The following PXDC1 variants were observed in gnomAD, a reference collection of about 807,000 sequenced individuals.
PXDC1 encodes PX domain containing 1.
In PXDC1, 13 loss-of-function variants were observed where a neutral mutation model predicts 24.4. The observed-to-expected ratio is 0.53, with a 90% CI of 0.35 to 0.85. The LOEUF is 0.85. Among genes scored for constraint, PXDC1 ranks in the 40% least tolerant of loss-of-function variants. The pLI is 0.01. For missense variants in PXDC1, 344 were observed against 309.3 expected, an observed-to-expected ratio of 1.11 and a Z score of -0.84; for synonymous variants, 162 against 124.9, an observed-to-expected ratio of 1.30 and a Z score of -1.98.
intron 1 of PXDC1, among the ~76,000 whole-genome samples, chr6:3,742,651 C>T (rs1023029704): frequency 5.3e-5 from 8 of 152,300 alleles, no homozygotes; most frequent in African/African-American, 1.7e-4. Flanking sequence ...TTCACAGCCC[C>T]GGAAACTGTT....
rs1760358694 is a variant in PXDC1 at position 3,737,935 on chromosome 6, C to T, written c.348+122G>A. On this transcript the variant is annotated intron_variant, in intron 2 of 4. Coordinates refer to ENST00000380283, the MANE Select transcript of PXDC1 (RefSeq NM_183373.4). The surrounding 1 kb of genome is among the most constrained non-coding windows in gnomAD (Gnocchi z 5.5). The stretch of plus-strand genomic sequence containing the variant: ...TCGCCTGGTACTACCAGGGAGGGAA[C>T]AAAACGGCTAAGTGAGACAGAGCAA... 2 of 849,830 alleles carry T rather than the reference C, an allele frequency of 2.4e-6. No individual in the cohort carries two copies. The highest frequency in any genetic ancestry group is 1.7e-5 in the African/African-American group (1 of 59,202). 52.6% of individuals were successfully genotyped at this position (849,830 alleles called of 1,614,324 possible). A position where few individuals can be genotyped will look rare whatever the true frequency, so the allele number is the denominator to read the frequency against.
chr6:3,743,616 G>A (rs1467674103), intron 1 of PXDC1, among the ~76,000 whole-genome samples: 2 of 152,192 alleles, frequency 1.3e-5, no homozygotes, highest in African/African-American at 4.8e-5. Context: ...AAGCAGCAGC[G>A]AGTTAAGAAC....
chr6:3,734,784 G>C (rs1561734239), intron 3 of PXDC1, among the ~76,000 whole-genome samples: 1 of 151,448 alleles, frequency 6.6e-6, no homozygotes, highest in Non-Finnish European at 1.5e-5. Flanking sequence ...CACAGGAATA[G>C]AAAAAAAAAT....
Position 3,737,644 on chromosome 6 carries a change from G to C in PXDC1, c.348+413C>G. ...GGAAAGGGAGTTGACGGTCAAATCC[G>C]GGCAACGTGCCCCGCTGTGCTGACG... is the stretch of plus-strand genomic sequence containing the variant. On this transcript the variant is annotated intron_variant, in intron 2 of 4. Transcript: ENST00000380283. The surrounding 1 kb of genome is among the most constrained non-coding windows in gnomAD (Gnocchi z 5.5). 1 of 985,236 alleles carries C rather than the reference G, an allele frequency of 1.0e-6. No homozygotes were observed. Among genetic ancestry groups the C allele is most frequent in the African/African-American group, 1.7e-5 (1 of 57,334 alleles). The allele number at this position is 985,236 out of a possible 1,614,324, so 61.0% of individuals were successfully genotyped here.
At position 3,737,201 on chromosome 6, in the gene PXDC1, G is replaced by A. The variant is rs1300004739; in HGVS notation, c.349-5C>T. 7.0e-6 allele frequency: 11 copies of A among 1,582,010 alleles called. No individual in the cohort carries two copies. The highest frequency in any genetic ancestry group is 9.6e-6 in the Non-Finnish European group (11 of 1,150,766). On this transcript the variant is annotated splice_polypyrimidine_tract_variant and splice_region_variant and intron_variant, in intron 2 of 4. Coordinates refer to ENST00000380283, the MANE Select transcript of PXDC1 (RefSeq NM_183373.4). This position sits in a 1 kb window ranked among gnomAD's most constrained non-coding sequence, Gnocchi z 5.5. ...CACAACTTCCGATCTAGAATACTGGGGAGAAATGCAGGGATTACTAAAAAC... is the reference window on the plus strand; with the variant it reads ...CACAACTTCCGATCTAGAATACTGGAGAGAAATGCAGGGATTACTAAAAAC...
chr6:3,749,982 C>T (rs1159036928), intron 1 of PXDC1, among the ~76,000 whole-genome samples: 1 of 152,262 alleles, frequency 6.6e-6, no homozygotes, highest in Non-Finnish European at 1.5e-5. Flanking sequence ...AGGAAAACTG[C>T]TTCCATGCTT....
In PXDC1 at chr6:3,727,400, G is replaced by T; in HGVS notation, c.578+151C>A. 13 of 583,244 alleles carry T rather than the reference G, an allele frequency of 2.2e-5. No homozygotes were observed. In the Admixed American group the frequency reaches 3.1e-4, roughly 14 times the overall value. 36.1% of individuals were successfully genotyped at this position (583,244 alleles called of 1,614,324 possible). On this transcript the variant is annotated intron_variant, in intron 4 of 4. Coordinates refer to ENST00000380283, the MANE Select transcript of PXDC1 (RefSeq NM_183373.4). ...AAGATCTCACCAGACTCTAGGAAAG[G>T]CAAACTTCTAAAATCAGTGTCCAAA... is the stretch of plus-strand genomic sequence containing the variant.
intron 3 of PXDC1, among the ~76,000 whole-genome samples, chr6:3,727,961 AAAG>A (rs1760107702): frequency 1.3e-5 from 2 of 152,112 alleles, no homozygotes; most frequent in Admixed American, 6.5e-5. Flanking sequence ...GCTGGAGTAC[AAAG>A]AAGGAGTACT....
rs542154958 is a variant in PXDC1, at chr6:3,730,683, G to A, written c.467-3021C>T. 8.5e-5 allele frequency among the ~76,000 whole-genome samples: 13 copies of A among 152,340 alleles called. No individual in the cohort carries two copies. In the East Asian group the frequency reaches 1.2e-3, roughly 14 times the overall value. ...CCTCCCAGGTCAGTTTTCACAAGACGATGGTATAGACCATGAACTTGTACC... is the reference window on the plus strand; with the variant it reads ...CCTCCCAGGTCAGTTTTCACAAGACAATGGTATAGACCATGAACTTGTACC... On this transcript the variant is annotated intron_variant, in intron 3 of 4. Coordinates refer to ENST00000380283, the MANE Select transcript of PXDC1 (RefSeq NM_183373.4).
At chr6:3,741,054 T>C (rs1760438915) in intron 1 of PXDC1, among the ~76,000 whole-genome samples, 1 of 152,232 alleles carries the variant, frequency 6.6e-6, no homozygotes, top group South Asian at 2.1e-4. Context: ...TTAGTCACTC[T>C]CCTGTGTGTG....
chr6:3,733,907 TC>T (rs1297816795), intron 3 of PXDC1, among the ~76,000 whole-genome samples: 3 of 151,990 alleles, frequency 2.0e-5, no homozygotes, highest in African/African-American at 7.3e-5. Context: ...CCACATTTCC[TC>T]CCATTCTTCT....
Position 3,727,673 on chromosome 6 carries a change from A to C in PXDC1, c.467-11T>G. On this transcript the variant is annotated splice_polypyrimidine_tract_variant and intron_variant, in intron 3 of 4. Coordinates refer to ENST00000380283, the MANE Select transcript of PXDC1 (RefSeq NM_183373.4). ...TGGACCTCATGATTTCTGAAAACCA[A>C]AGCAACAAGGTGAGTCCTCAGGAGG... The C allele has an allele frequency of 2.5e-6, 4 of 1,590,060 alleles. No individual in the cohort carries two copies. The highest frequency in any genetic ancestry group is 3.5e-6 in the Non-Finnish European group (4 of 1,158,098).
intron 1 of PXDC1, 87 bp from the exon 2 acceptor site, chr6:3,738,235 C>A: frequency 1.0e-6 from 1 of 966,652 alleles, no homozygotes; most frequent in Non-Finnish European, 1.7e-6. Context: ...GCCCACAAAC[C>A]GCCAGGGTCG....
At chr6:3,749,742 A>G (rs1057514957) in intron 1 of PXDC1, among the ~76,000 whole-genome samples, 1 of 152,016 alleles carries the variant, frequency 6.6e-6, no homozygotes, top group South Asian at 2.1e-4. Context: ...AACGTCAGAG[A>G]CCACAAGCAC....
At chr6:3,738,017 TC>T in intron 2 of PXDC1, 39 bp downstream of exon 2, 5 of 1,544,304 alleles carry the variant, frequency 3.2e-6, no homozygotes, top group Non-Finnish European at 4.4e-6. Context: ...TGCCAGCACC[TC>T]CCACCTCCCT....
Position 3,728,774 on chromosome 6 carries a change from T to C in PXDC1, c.467-1112A>G, listed in dbSNP as rs1164857634. 1.3e-5 allele frequency among the ~76,000 whole-genome samples: 2 copies of C among 152,184 alleles called. No individual in the cohort carries two copies. The highest frequency in any genetic ancestry group is 3.8e-4 in the East Asian group (2 of 5,196). On this transcript the variant is annotated intron_variant, in intron 3 of 4. Transcript: ENST00000380283. The surrounding 1 kb of genome is among the most constrained non-coding windows in gnomAD (Gnocchi z 4.0). ...ATCTAGGTATAAAAAGCTGCAGCGTTCGTTTGTATTTTCTGAGGGACCGCG... is the reference window on the plus strand; with the variant it reads ...ATCTAGGTATAAAAAGCTGCAGCGTCCGTTTGTATTTTCTGAGGGACCGCG...
chr6:3,735,595 C>T (rs1554110959), intron 3 of PXDC1, among the ~76,000 whole-genome samples: 1 of 152,108 alleles, frequency 6.6e-6, no homozygotes, highest in Non-Finnish European at 1.5e-5. Flanking sequence ...ACAGTGGTTA[C>T]CAGAGGCTGG....
At chr6:3,750,358 G>A (rs1760675103) in intron 1 of PXDC1, among the ~76,000 whole-genome samples, 2 of 152,176 alleles carry the variant, frequency 1.3e-5, no homozygotes, top group African/African-American at 4.8e-5. Flanking sequence ...GCTACAGGTG[G>A]TCACCCATGG....
At position 3,732,867 on chromosome 6, in the gene PXDC1, T is replaced by C. The variant is rs76444007; in HGVS notation, c.466+4212A>G. 5.5e-3 allele frequency among the ~76,000 whole-genome samples: 834 copies of C among 152,290 alleles called. 21 individuals carry two copies. The East Asian group carries it at 0.091, about 17-fold the overall frequency. On this transcript the variant is annotated intron_variant, in intron 3 of 4. Transcript: ENST00000380283. Reference sequence around the variant, plus strand: ...ATGGCACCACCTCCCTACACGTATGTCAGTGGCATAAGAAATGGAGGAGGA... The same window carrying C: ...ATGGCACCACCTCCCTACACGTATGCCAGTGGCATAAGAAATGGAGGAGGA...
Sources: gnomAD v4.1 joint callset for allele counts (sites outside exome capture counted in the v4.1 genomes callset) on GRCh38, gnomAD v4.1.1 for gene constraint, Gnocchi (gnomAD v3.1) non-coding constraint, MANE v1.5 for transcripts, NCBI Gene and HGNC (gene_info 2026-07-23, HGNC 2026-07-21) for gene names.